Variants in SH2D2A observed in about 807,000 individuals in gnomAD.
The protein encoded by SH2D2A is SH2 domain-containing protein 2A.
In SH2D2A, 33 loss-of-function variants were observed where a neutral mutation model predicts 43.6. The observed-to-expected ratio is 0.76, with a 90% CI of 0.57 to 1.01. The LOEUF is 1.01. Ranked by LOEUF, SH2D2A falls within the 50% of genes least tolerant of loss-of-function variation. The probability of loss-of-function intolerance (pLI) is 0.00; values close to 1 mark genes in which losing one functional copy is unlikely to be tolerated. For synonymous variants in SH2D2A, 212 were observed against 206.1 expected, an observed-to-expected ratio of 1.03 and a Z score of -0.25; for missense variants, 491 against 503.1, an observed-to-expected ratio of 0.98 and a Z score of 0.23.
chr1:156,808,676 G>T (rs1182560897), intron 7 of SH2D2A, among the ~76,000 whole-genome samples: 1 of 152,176 alleles, frequency 6.6e-6, no homozygotes, highest in Non-Finnish European at 1.5e-5. Flanking sequence ...AAGACTTAGG[G>T]CTGGGGAGAA....
Position 156,807,339 on chromosome 1 carries a change from C to T in SH2D2A, c.1009G>A (p.Gly337Ser). Reference protein sequence around the residue: ...SRPVPGGQNTGGSQLHSENSV... With the variant: ...SRPVPGGQNTSGSQLHSENSV... ...TTCTCAGAATGCAGCTGGGAGCCAC[C>T]TGTATTCTGCAGAGAGAAGGACAGT... The change falls in exon 8 of 9, where the codon GGT becomes AGT. Residue 337 changes from glycine to serine, a missense_variant. By Grantham distance (56) the Gly-to-Ser change is moderately conservative (BLOSUM62 0). Coordinates refer to ENST00000368199, the MANE Select transcript of SH2D2A (RefSeq NM_003975.4). This position sits in a 1 kb window ranked among gnomAD's most constrained non-coding sequence, Gnocchi z 5.1. The T allele has an allele frequency of 6.4e-7, 1 of 1,551,264 alleles. No homozygotes were observed. The highest frequency in any genetic ancestry group is 8.7e-7 in the Non-Finnish European group (1 of 1,154,704).
chr1:156,812,140 C>T (rs879577611), intron 5 of SH2D2A, among the ~76,000 whole-genome samples: 5 of 152,074 alleles, frequency 3.3e-5, no homozygotes, highest in Non-Finnish European at 7.4e-5. Flanking sequence ...CCCAGCAGCT[C>T]CACCTTCTGA....
In SH2D2A at chr1:156,807,181, C is replaced by T; in HGVS notation, c.1167G>A (p.Gln389=). 1.2e-6 allele frequency: 2 copies of T among 1,606,068 alleles called. No homozygotes were observed. Among genetic ancestry groups the T allele is most frequent in the Non-Finnish European group, 1.7e-6 (2 of 1,175,906 alleles). The change falls in exon 8 of 9, where the codon CAG becomes CAA. Residue 389 remains glutamine (Q), a synonymous_variant. Transcript: ENST00000368199. The surrounding 1 kb of genome is among the most constrained non-coding windows in gnomAD (Gnocchi z 5.1). ...GQAWLPLGPP[Q] is the part of the protein sequence containing the mutation. ...TCACCAAGCTCAGACTTACCGCCTA[C>T]TGAGGAGGCCCAAGGGGAAGCCATG...
chr1:156,807,281 T>TGGGG lies in SH2D2A; in HGVS notation c.1063_1066dup (p.His356ProfsTer18). The TGGGG allele has an allele frequency of 7.4e-6, 4 of 543,682 alleles. No individual in the cohort carries two copies. Among genetic ancestry groups the TGGGG allele is most frequent in the Admixed American group, 6.0e-5 (1 of 16,748 alleles). 33.7% of individuals were successfully genotyped at this position (543,682 alleles called of 1,614,324 possible). A position where few individuals can be genotyped will look rare whatever the true frequency, so the allele number is the denominator to read the frequency against. On this transcript the variant is annotated frameshift_variant, in exon 8 of 9. Coordinates refer to ENST00000368199, the MANE Select transcript of SH2D2A (RefSeq NM_003975.4). LOFTEE classifies it high-confidence loss of function. The surrounding 1 kb of genome is among the most constrained non-coding windows in gnomAD (Gnocchi z 5.1). ...GTGTCTCCAGGCGGGTGGGGGCTGG[T>TGGGG]GGGGCAGGGGAGGGCCTTGCCCAAT...
intron 5 of SH2D2A, among the ~76,000 whole-genome samples, chr1:156,811,695 C>G (rs1653432050): frequency 6.6e-6 from 1 of 152,216 alleles, no homozygotes; most frequent in Admixed American, 6.5e-5. Context: ...CTGCCCTCAC[C>G]CGCCTTCACT....
Position 156,816,061 on chromosome 1 carries a change from G to T in SH2D2A, c.68C>A (p.Thr23Asn), listed in dbSNP as rs986136491. The change falls in exon 2 of 9, where the codon ACC becomes AAC. Residue 23 changes from threonine (T) to asparagine (N), a missense_variant. By Grantham distance (65) the Thr-to-Asn change is moderately conservative. Transcript: ENST00000368199. ...SHEAPIPTFS[T>N]FQITDMTRRS... Reference sequence around the variant, plus strand: ...GCGGGTCATGTCTGTGATCTGGAAGGTGCTGAAGGTTGGGATGGGGGCTTC... The same window carrying T: ...GCGGGTCATGTCTGTGATCTGGAAGTTGCTGAAGGTTGGGATGGGGGCTTC... 1 of 1,614,104 alleles carries T rather than the reference G, an allele frequency of 6.2e-7. No individual in the cohort carries two copies. The highest frequency in any genetic ancestry group is 1.1e-5 in the South Asian group (1 of 91,084).
chr1:156,808,486 C>T (rs537879162), intron 7 of SH2D2A, among the ~76,000 whole-genome samples: 94 of 152,036 alleles, frequency 6.2e-4, no homozygotes, highest in African/African-American at 2.1e-3. Flanking sequence ...TGTGGGTGAG[C>T]GCGAGCAGGC....
intron 5 of SH2D2A, among the ~76,000 whole-genome samples, chr1:156,812,283 C>G (rs142421212): frequency 6.6e-6 from 1 of 152,128 alleles, no homozygotes; most frequent in African/African-American, 2.4e-5. Context: ...GCTTGTAAGT[C>G]TCCAGTGCCA....
chr1:156,815,270 C>A (rs770763298), intron 2 of SH2D2A, 49 bp from the exon 3 acceptor site: 3 of 1,364,998 alleles, frequency 2.2e-6, no homozygotes, highest in Admixed American at 3.1e-5. Context: ...GATGAGTGGG[C>A]CTTCTCCTGA....
chr1:156,814,316 G>C, intron 3 of SH2D2A, 22 bp from the exon 4 acceptor site: 1 of 1,609,382 alleles, frequency 6.2e-7, no homozygotes, highest in South Asian at 1.1e-5. Flanking sequence ...GGAGAGAGGG[G>C]GCCGAACCCT....
At position 156,809,227 on chromosome 1, in the gene SH2D2A, C is replaced by T; in HGVS notation, c.978G>A (p.Trp326Ter). 3.1e-6 allele frequency: 5 copies of T among 1,613,052 alleles called. No individual in the cohort carries two copies. The highest frequency in any genetic ancestry group is 4.2e-6 in the Non-Finnish European group (5 of 1,179,404). The change falls in exon 7 of 9, where the codon TGG (tryptophan) becomes TGA (stop). Residue 326 changes from tryptophan to a stop codon, truncating the protein, a stop_gained. Transcript: ENST00000368199. LOFTEE classifies it high-confidence loss of function. The surrounding 1 kb of genome is among the most constrained non-coding windows in gnomAD (Gnocchi z 4.8). ...CCTGGCCTCCTGGGACAGGCCTGGA[C>T]CAGCTCTTCCGTAGGACAGGGTGCC... is the stretch of plus-strand genomic sequence containing the variant. ...TLGHPVLRKS[W>*]SRPVPGGQNT...
intron 5 of SH2D2A, among the ~76,000 whole-genome samples, chr1:156,812,676 G>A (rs1653499033): frequency 6.6e-6 from 1 of 152,174 alleles, no homozygotes; most frequent in African/African-American, 2.4e-5. Flanking sequence ...GTGTAGCAGA[G>A]GCAGGTGCCT....
intron 2 of SH2D2A, chr1:156,815,726 C>A (rs2102820301): frequency 7.6e-7 from 1 of 1,311,710 alleles, no homozygotes; most frequent in South Asian, 1.2e-5. Flanking sequence ...AGTGCAGATG[C>A]CTGCTTCTGG....
intron 3 of SH2D2A, chr1:156,814,802 A>G: frequency 2.3e-6 from 1 of 434,904 alleles, no homozygotes; most frequent in Non-Finnish European, 4.1e-6. Flanking sequence ...GGGCCTAGAG[A>G]GGGGAAGCTG....
Position 156,807,188 on chromosome 1 carries a change from G to A in SH2D2A, c.1160C>T (p.Pro387Leu). The change falls in exon 8 of 9, where the codon CCT becomes CTT. Residue 387 changes from proline (P) to leucine (L), a missense_variant. By Grantham distance (98) the Pro-to-Leu change is moderately conservative. Transcript: ENST00000368199. This position sits in a 1 kb window ranked among gnomAD's most constrained non-coding sequence, Gnocchi z 5.1. ...DRGQAWLPLG[P>L]PQ Reference sequence around the variant, plus strand: ...GCTCAGACTTACCGCCTACTGAGGAGGCCCAAGGGGAAGCCATGCCTGTCC... The same window carrying A: ...GCTCAGACTTACCGCCTACTGAGGAAGCCCAAGGGGAAGCCATGCCTGTCC... The A allele has an allele frequency of 6.2e-7, 1 of 1,612,804 alleles. No individual in the cohort carries two copies. The highest frequency in any genetic ancestry group is 8.5e-7 in the Non-Finnish European group (1 of 1,179,826).
In SH2D2A at chr1:156,809,072, C is replaced by T; in HGVS notation, c.1002+131G>A. 3 of 950,406 alleles carry T rather than the reference C, an allele frequency of 3.2e-6. No individual in the cohort carries two copies. The highest frequency in any genetic ancestry group is 4.8e-6 in the Non-Finnish European group (3 of 629,902). 58.9% of individuals were successfully genotyped at this position (950,406 alleles called of 1,614,324 possible). On this transcript the variant is annotated intron_variant, in intron 7 of 8. Coordinates refer to ENST00000368199, the MANE Select transcript of SH2D2A (RefSeq NM_003975.4). This position sits in a 1 kb window ranked among gnomAD's most constrained non-coding sequence, Gnocchi z 4.8. ...AGGCTGGTGCCTGGATCATTCTGTT[C>T]TTCCCACATCACCTCACACCTCTGC...
chr1:156,806,714 T>C (rs1400175887), intron 8 of SH2D2A, 141 bp from the exon 9 acceptor site: 2 of 169,980 alleles, frequency 1.2e-5, no homozygotes, highest in East Asian at 3.6e-4. Flanking sequence ...CTTGAGTTTG[T>C]GGATGTGTGG....
chr1:156,810,308 G>C (rs896079679), intron 5 of SH2D2A, among the ~76,000 whole-genome samples: 12 of 152,184 alleles, frequency 7.9e-5, no homozygotes, highest in Non-Finnish European at 1.6e-4. Context: ...TTGCGTCTTA[G>C]GATTACAGGC....
Position 156,816,838 on chromosome 1 carries a change from G to A in SH2D2A, c.-130C>T. On this transcript the variant is annotated 5_prime_UTR_variant, in exon 1 of 9. Coordinates refer to ENST00000368199, the MANE Select transcript of SH2D2A (RefSeq NM_003975.4). ...GGCAGGAAATGTCGCCTTACCCACAGCCTTAGTTCTGGCGAGGACTCACGT... is the reference window on the plus strand; with the variant it reads ...GGCAGGAAATGTCGCCTTACCCACAACCTTAGTTCTGGCGAGGACTCACGT... 4 of 831,028 alleles carry A rather than the reference G, an allele frequency of 4.8e-6. No homozygotes were observed. The highest frequency in any genetic ancestry group is 7.1e-6 in the Non-Finnish European group (4 of 564,194). The allele number at this position is 831,028 out of a possible 1,614,324, so 51.5% of individuals were successfully genotyped here. A position where few individuals can be genotyped will look rare whatever the true frequency, so the allele number is the denominator to read the frequency against.
Sources: allele counts gnomAD v4.1 joint callset (sites outside exome capture counted in the v4.1 genomes callset), GRCh38; gene constraint gnomAD v4.1.1; non-coding constraint Gnocchi (gnomAD v3.1); transcripts MANE v1.5; gene names NCBI Gene and HGNC (gene_info 2026-07-23, HGNC 2026-07-21).